Variants in SPINT1 observed in about 807,000 individuals in gnomAD.
SPINT1 encodes the protein serine peptidase inhibitor, Kunitz type 1, also known as kunitz-type protease inhibitor 1.
SPINT1 carries 38 observed loss-of-function variants against 53.7 expected under a neutral mutation model. The ratio of observed to expected loss-of-function variants is 0.71; its 90% CI spans 0.55 to 0.93. The LOEUF (loss-of-function observed/expected upper bound fraction) is 0.93, where lower values mean the gene tolerates loss of function less well. SPINT1 is among the 40% of genes least tolerant of loss of function. The pLI, the probability that SPINT1 is intolerant of heterozygous loss-of-function variation, is 0.00. For missense variants in SPINT1, 645 were observed against 692.9 expected (o/e 0.93, Z 0.78); for synonymous variants, 283 against 280.6 (o/e 1.01, Z -0.08).
intron 2 of SPINT1, among the ~76,000 whole-genome samples, chr15:40,846,105 G>C (rs1891287733): frequency 6.6e-6 from 1 of 152,212 alleles, no homozygotes; most frequent in African/African-American, 2.4e-5. Flanking sequence ...CCAGGCAGGT[G>C]TGTGTGCATG....
intron 7 of SPINT1, 47 bp from the exon 8 acceptor site, chr15:40,854,592 T>G: frequency 6.2e-7 from 1 of 1,614,204 alleles, no homozygotes; most frequent in Non-Finnish European, 8.5e-7. Flanking sequence ...CCTGAACCCC[T>G]GGGAGACCCT....
In SPINT1 at chr15:40,855,876, A is replaced by C; in HGVS notation, c.1118-16A>C. ...GCCATGGACTCGCTCACCATAGCCT[A>C]CCCCATACCCCCCAGGGCACTGCGT... On this transcript the variant is annotated splice_polypyrimidine_tract_variant and intron_variant, in intron 8 of 10. Transcript: ENST00000562057. The C allele has an allele frequency of 6.2e-7, 1 of 1,607,092 alleles. No homozygotes were observed. Among genetic ancestry groups the C allele is most frequent in the Non-Finnish European group, 8.5e-7 (1 of 1,174,930 alleles).
At position 40,856,016 on chromosome 15, in the gene SPINT1, CT is replaced by C. The variant is rs1270224867; in HGVS notation, c.1245del (p.Phe415LeufsTer22). 7.4e-6 allele frequency: 12 copies of C among 1,614,216 alleles called. No homozygotes were observed. The highest frequency in any genetic ancestry group is 1.0e-5 in the Non-Finnish European group (12 of 1,180,032). On this transcript the variant is annotated frameshift_variant, in exon 9 of 11. Coordinates refer to ENST00000562057, the MANE Select transcript of SPINT1 (RefSeq NM_003710.4). LOFTEE classifies it high-confidence loss of function. ...GTGGTTGTTACGGCAACAAGAACAA[CT>C]TTGAGGAAGAGCAGCAGTGCCTCGA... is the stretch of plus-strand genomic sequence containing the variant. ...YGGCYGNKNN[F>X]EEEQQCLESC...
chr15:40,849,063 G>T (rs368192198), intron 2 of SPINT1, among the ~76,000 whole-genome samples: 1 of 151,724 alleles, frequency 6.6e-6, no homozygotes, highest in South Asian at 2.1e-4. Context: ...TGGCTAACAC[G>T]GTGAAACCCC....
At chr15:40,854,209 C>T (rs1891558766) in intron 6 of SPINT1, 123 bp downstream of exon 6, 7 of 1,372,574 alleles carry the variant, frequency 5.1e-6, no homozygotes. Flanking sequence ...GTGGAAGGAC[C>T]ACAAACATCC....
At chr15:40,846,459 A>G (rs1236630187) in intron 2 of SPINT1, among the ~76,000 whole-genome samples, 1 of 152,224 alleles carries the variant, frequency 6.6e-6, no homozygotes, top group Non-Finnish European at 1.5e-5. Flanking sequence ...AGATTAGGAA[A>G]CTAAGACTCC....
intron 2 of SPINT1, among the ~76,000 whole-genome samples, chr15:40,852,571 T>G (rs1891489917): frequency 6.6e-6 from 1 of 152,036 alleles, no homozygotes; most frequent in Non-Finnish European, 1.5e-5. Context: ...GCCGAGTCTG[T>G]CTGAGGTATT....
chr15:40,854,312 G>A (rs773861574), intron 6 of SPINT1, 85 bp from the exon 7 acceptor site: 10 of 1,502,520 alleles, frequency 6.7e-6, no homozygotes, highest in Middle Eastern at 4.6e-4. Context: ...GGGATGTGCT[G>A]TGTCTGGGCA....
In SPINT1 at chr15:40,844,116, C is replaced by G; in HGVS notation, c.-136C>G. 2.3e-6 allele frequency: 1 copy of G among 433,936 alleles called. No individual in the cohort carries two copies. The highest frequency in any genetic ancestry group is 1.6e-5 in the South Asian group (1 of 62,080). 26.9% of individuals were successfully genotyped at this position (433,936 alleles called of 1,614,324 possible). A position where few individuals can be genotyped will look rare whatever the true frequency, so the allele number is the denominator to read the frequency against. On this transcript the variant is annotated 5_prime_UTR_variant, in exon 1 of 11. Transcript: ENST00000562057. The surrounding 1 kb of genome is among the most constrained non-coding windows in gnomAD (Gnocchi z 5.8). ...TCTCCGAGCACCGGGTCGGAAGCCG[C>G]GACCCGAGCCGCGCAGGAAGCTGGG...
In SPINT1 at chr15:40,844,877, G is replaced by T; in HGVS notation, c.323G>T (p.Arg108Leu). 6.2e-7 allele frequency: 1 copy of T among 1,613,888 alleles called. No homozygotes were observed. Among genetic ancestry groups the T allele is most frequent in the Non-Finnish European group, 8.5e-7 (1 of 1,180,024 alleles). The change falls in exon 2 of 11, where the codon CGC becomes CTC. Residue 108 changes from arginine to leucine, a missense_variant. Physicochemically the swap from Arg to Leu is moderately radical, Grantham distance 102. Coordinates refer to ENST00000562057, the MANE Select transcript of SPINT1 (RefSeq NM_003710.4). This position sits in a 1 kb window ranked among gnomAD's most constrained non-coding sequence, Gnocchi z 5.8. ...GCGCTAGTGGAGCTGCAGCCCGACC[G>T]CGGGGAGGACGCCATCGCCGCCTGC... Reference protein sequence around the residue: ...NLALVELQPDRGEDAIAACFL... With the variant: ...NLALVELQPDLGEDAIAACFL...
At position 40,844,391 on chromosome 15, in the gene SPINT1, CCCT is replaced by C. The variant is rs930108693; in HGVS notation, c.-65-93_-65-91del. The C allele has an allele frequency of 1.2e-5, 9 of 780,240 alleles. No individual in the cohort carries two copies. The highest frequency in any genetic ancestry group is 5.7e-5 in the Admixed American group (3 of 52,934). The allele number at this position is 780,240 out of a possible 1,614,324, so 48.3% of individuals were successfully genotyped here. A position where few individuals can be genotyped will look rare whatever the true frequency, so the allele number is the denominator to read the frequency against. ...CTCTTCGATCCTGGGGTGCTCCGGTCCCTCCTCCCCGCCACTTCCTCCCGGCCG... is the reference window on the plus strand; with the variant it reads ...CTCTTCGATCCTGGGGTGCTCCGGTCCCTCCCCGCCACTTCCTCCCGGCCG... On this transcript the variant is annotated intron_variant, in intron 1 of 10. Transcript: ENST00000562057. This position sits in a 1 kb window ranked among gnomAD's most constrained non-coding sequence, Gnocchi z 5.8.
rs1012211965 is a variant in SPINT1, at chr15:40,853,142, C to T, written c.494C>T (p.Ala165Val). ...CCGCCAGGGTCTGGGATCCCCAAGG[C>T]CTGGGCAGGCATAGACTTGAAGGTA... is the stretch of plus-strand genomic sequence containing the variant. The part of the protein sequence containing the change: ...QGFGGSGIPK[A>V]WAGIDLKVQP... The change falls in exon 3 of 11, where the codon GCC (alanine) becomes GTC (valine). Residue 165 changes from alanine (A) to valine (V), a missense_variant. By Grantham distance (64) the Ala-to-Val change is moderately conservative. Coordinates refer to ENST00000562057, the MANE Select transcript of SPINT1 (RefSeq NM_003710.4). The T allele has an allele frequency of 3.1e-6, 5 of 1,613,976 alleles. No individual in the cohort carries two copies. The highest frequency in any genetic ancestry group is 3.3e-5 in the Admixed American group (2 of 59,980).
intron 6 of SPINT1, 22 bp from the exon 7 acceptor site, chr15:40,854,375 G>C: frequency 6.5e-7 from 1 of 1,528,718 alleles, no homozygotes; most frequent in Non-Finnish European, 8.8e-7. Context: ...GCTTGAGCCT[G>C]ACCTCCCTTC....
At position 40,853,583 on chromosome 15, in the gene SPINT1, C is replaced by T. The variant is rs538124649; in HGVS notation, c.698C>T (p.Thr233Met). 23 of 1,613,958 alleles carry T rather than the reference C, an allele frequency of 1.4e-5. No homozygotes were observed. The South Asian group carries it at 2.2e-4, about 15-fold the overall frequency. The change falls in exon 4 of 11, where the codon ACG becomes ATG. Residue 233 changes from threonine to methionine, a missense_variant. Transcript: ENST00000562057. ...ACTAGCTCAGACCACCCAGAGGACACGGCCAACGTCACAGTCACTGTGCTG... is the reference window on the plus strand; with the variant it reads ...ACTAGCTCAGACCACCCAGAGGACATGGCCAACGTCACAGTCACTGTGCTG... ...TVTSSDHPED[T>M]ANVTVTVLST...
chr15:40,844,439 T>G lies in SPINT1; in HGVS notation c.-65-51T>G. The G allele has an allele frequency of 9.1e-7, 1 of 1,104,516 alleles. No homozygotes were observed. Among genetic ancestry groups the G allele is most frequent in the Non-Finnish European group, 1.4e-6 (1 of 733,932 alleles). The allele number at this position is 1,104,516 out of a possible 1,614,324, so 68.4% of individuals were successfully genotyped here. A position where few individuals can be genotyped will look rare whatever the true frequency, so the allele number is the denominator to read the frequency against. On this transcript the variant is annotated intron_variant, in intron 1 of 10. Coordinates refer to ENST00000562057, the MANE Select transcript of SPINT1 (RefSeq NM_003710.4). This position sits in a 1 kb window ranked among gnomAD's most constrained non-coding sequence, Gnocchi z 5.8. The stretch of plus-strand genomic sequence containing the variant: ...CGGCCGGCCCGCCTCCTCCAAAGTC[T>G]CCCGGGCTGATCAGGTGTGTCTCCT...
chr15:40,853,358 G>A, intron 3 of SPINT1, 107 bp downstream of exon 3: 10 of 1,600,732 alleles, frequency 6.2e-6, no homozygotes, highest in Non-Finnish European at 8.5e-6. Context: ...ATGGGGTGGA[G>A]AGAGGCTGAA....
In SPINT1 at chr15:40,855,963, A is replaced by G. The variant is rs756821220; in HGVS notation, c.1189A>G (p.Ser397Gly). The G allele has an allele frequency of 1.1e-5, 18 of 1,614,254 alleles. No homozygotes were observed. The East Asian group carries it at 1.6e-4, about 14-fold the overall frequency. The change falls in exon 9 of 11, where the codon AGC (serine) becomes GGC (glycine). Residue 397 changes from serine (S) to glycine (G), a missense_variant. Physicochemically the swap from Ser to Gly is moderately conservative, Grantham distance 56. Transcript: ENST00000562057. The stretch of plus-strand genomic sequence containing the variant: ...CCCGCGCTGGTACTACAACCCCTTC[A>G]GCGAACACTGCGCCCGCTTTACCTA... ...SIPRWYYNPF[S>G]EHCARFTYGG...
chr15:40,854,009 C>T, intron 5 of SPINT1, 51 bp from the exon 6 acceptor site: 1 of 934,228 alleles, frequency 1.1e-6, no homozygotes, highest in South Asian at 1.3e-5. Flanking sequence ...ATTATCTCAT[C>T]CCCACTGGAG....
chr15:40,849,334 C>T (rs910916875), intron 2 of SPINT1, among the ~76,000 whole-genome samples: 3 of 152,078 alleles, frequency 2.0e-5, no homozygotes, highest in African/African-American at 7.2e-5. Flanking sequence ...GCAGCCTCAA[C>T]CTCACAGGCT....
Sources: gnomAD v4.1 joint callset for allele counts (sites outside exome capture counted in the v4.1 genomes callset) on GRCh38, gnomAD v4.1.1 for gene constraint, Gnocchi (gnomAD v3.1) non-coding constraint, MANE v1.5 for transcripts, NCBI Gene and HGNC (gene_info 2026-07-23, HGNC 2026-07-21) for gene names.